The following SAMD3 variants were observed in gnomAD, a reference collection of about 807,000 sequenced individuals.
The protein encoded by SAMD3 is sterile alpha motif domain-containing protein 3.
SAMD3 carries 63 observed loss-of-function variants against 58.5 expected under a neutral mutation model. The observed-to-expected ratio is 1.08, with a 90% CI of 0.88 to 1.33. The LOEUF (loss-of-function observed/expected upper bound fraction) is 1.33. Among genes scored for constraint, SAMD3 ranks in the 40% most tolerant of loss-of-function variants. The pLI is 0.00. For missense variants in SAMD3, 604 were observed against 608.4 expected, an observed-to-expected ratio of 0.99 and a Z score of 0.08; for synonymous variants, 220 against 210.3, an observed-to-expected ratio of 1.05 and a Z score of -0.40.
intron 5 of SAMD3, among the ~76,000 whole-genome samples, chr6:130,201,047 A>T (rs1794610128): frequency 6.6e-6 from 1 of 152,146 alleles, no homozygotes; most frequent in Admixed American, 6.5e-5. Context: ...CTCCTCAGTA[A>T]CAGGCCCACC....
At chr6:130,323,802 C>CAAAAAA (rs766078214) in intron 1 of SAMD3, among the ~76,000 whole-genome samples, 8,009 of 53,208 alleles carry the variant, frequency 0.15, 1,119 homozygotes, top group East Asian at 0.26. Context: ...GACTCTGTCT[C>CAAAAAA]AAAAAAAAAA....
chr6:130,249,816 A>C (rs1387027277), intron 2 of SAMD3, among the ~76,000 whole-genome samples: 1 of 152,192 alleles, frequency 6.6e-6, no homozygotes, highest in Non-Finnish European at 1.5e-5. Flanking sequence ...ATTTCTGAGT[A>C]GAACGTGACA....
intron 1 of SAMD3, among the ~76,000 whole-genome samples, chr6:130,318,103 A>T (rs1776446789): frequency 1.3e-5 from 2 of 152,220 alleles, no homozygotes; most frequent in South Asian, 4.1e-4. Context: ...CTAAAGGATT[A>T]GAGGCGAAAT....
chr6:130,206,111 T>G (rs913247443), intron 5 of SAMD3, among the ~76,000 whole-genome samples: 90 of 152,242 alleles, frequency 5.9e-4, no homozygotes, highest in Admixed American at 2.7e-3. Context: ...AGGGAAAATA[T>G]TAAAAATAGA....
intron 2 of SAMD3, among the ~76,000 whole-genome samples, chr6:130,271,185 A>G (rs562452704): frequency 2.6e-4 from 39 of 151,934 alleles, no homozygotes; most frequent in Non-Finnish European, 3.2e-4. Flanking sequence ...TTTTTTGTAG[A>G]GACAGGGTTT....
At chr6:130,263,523 C>T (rs1425108167) in intron 2 of SAMD3, among the ~76,000 whole-genome samples, 2 of 152,124 alleles carry the variant, frequency 1.3e-5, no homozygotes, top group African/African-American at 4.8e-5. Context: ...GAAAGCGCCA[C>T]CCCCTCCAGA....
At chr6:130,330,100 G>T (rs771035326) in intron 1 of SAMD3, among the ~76,000 whole-genome samples, 15 of 152,098 alleles carry the variant, frequency 9.9e-5, no homozygotes, top group Non-Finnish European at 2.2e-4. Context: ...GAAAGAAAAT[G>T]GTTCTGTGAC....
chr6:130,168,520 A>G (rs1176008935), intron 8 of SAMD3, among the ~76,000 whole-genome samples: 1 of 152,168 alleles, frequency 6.6e-6, no homozygotes, highest in Non-Finnish European at 1.5e-5. Flanking sequence ...CCATCAGACC[A>G]CCAAAGGAAA....
intron 2 of SAMD3, among the ~76,000 whole-genome samples, chr6:130,276,870 T>C (rs1247237250): frequency 1.3e-5 from 2 of 151,864 alleles, no homozygotes; most frequent in East Asian, 3.9e-4. Context: ...TGGTTGGAGA[T>C]GAAAATAGGG....
chr6:130,256,632 A>T (rs1351796905), intron 2 of SAMD3, among the ~76,000 whole-genome samples: 1 of 152,168 alleles, frequency 6.6e-6, no homozygotes, highest in Non-Finnish European at 1.5e-5. Context: ...GTTTATGACT[A>T]CATGCTTTGT....
At chr6:130,273,080 T>C (rs1774625833) in intron 2 of SAMD3, among the ~76,000 whole-genome samples, 1 of 152,078 alleles carries the variant, frequency 6.6e-6, no homozygotes, top group Non-Finnish European at 1.5e-5. Context: ...TTTTTAATTT[T>C]ATTTCTCTGA....
At chr6:130,299,868 A>G (rs1775687841) in intron 2 of SAMD3, among the ~76,000 whole-genome samples, 2 of 152,170 alleles carry the variant, frequency 1.3e-5, no homozygotes, top group African/African-American at 4.8e-5. Flanking sequence ...TAGAAAACGA[A>G]TAATTTTCTG....
chr6:130,164,677 T>C (rs907783133), intron 8 of SAMD3, among the ~76,000 whole-genome samples: 1 of 152,080 alleles, frequency 6.6e-6, no homozygotes, highest in African/African-American at 2.4e-5. Context: ...CCTTGGGTCC[T>C]GCTCCTATCC....
Position 130,181,236 on chromosome 6 carries a change from C to T in SAMD3, c.654+2867G>A, listed in dbSNP as rs201082341. On this transcript the variant is annotated intron_variant, in intron 7 of 11. Coordinates refer to ENST00000439090, the MANE Select transcript of SAMD3 (RefSeq NM_001017373.4). Reference sequence around the variant, plus strand: ...TGCTGGGATTATAGGCATGAGCCACCGTACCCGGCCCCAAATTTTTCAAAA... The same window carrying T: ...TGCTGGGATTATAGGCATGAGCCACTGTACCCGGCCCCAAATTTTTCAAAA... 2.2e-4 allele frequency among the ~76,000 whole-genome samples: 33 copies of T among 152,154 alleles called. 1 individual carries two copies. The highest frequency in any genetic ancestry group is 1.5e-3 in the East Asian group (8 of 5,180).
chr6:130,259,010 A>C (rs531086436), intron 2 of SAMD3, among the ~76,000 whole-genome samples: 1 of 152,268 alleles, frequency 6.6e-6, no homozygotes, highest in South Asian at 2.1e-4. Flanking sequence ...GATATGAAGT[A>C]AGTTAGAAGA....
chr6:130,328,458 G>A (rs1282104229), intron 1 of SAMD3, among the ~76,000 whole-genome samples: 1 of 152,152 alleles, frequency 6.6e-6, no homozygotes, highest in Non-Finnish European at 1.5e-5. Context: ...CAATGCCCAG[G>A]CAATACTAAT....
intron 1 of SAMD3, among the ~76,000 whole-genome samples, chr6:130,322,414 C>T (rs981039637): frequency 1.1e-4 from 17 of 152,286 alleles, no homozygotes; most frequent in African/African-American, 3.6e-4. Context: ...TGAGATGACA[C>T]GAGACATCTC....
chr6:130,146,165 TG>T lies in SAMD3; in HGVS notation c.1039del (p.Gln347AsnfsTer24), dbSNP rs763801384. ...KCPYQMFREFQLLTRTDIYKK... is the reference protein window; with the variant it reads ...KCPYQMFREFXLLTRTDIYKK... ...ATAAATATCTGTTCTTGTAAGAAGT[TG>T]GAATTCTCTGAACATCTGACAAAAG... On this transcript the variant is annotated frameshift_variant, in exon 10 of 12. Coordinates refer to ENST00000439090, the MANE Select transcript of SAMD3 (RefSeq NM_001017373.4). LOFTEE classifies it high-confidence loss of function. 1.3e-6 allele frequency: 2 copies of T among 1,581,004 alleles called. No homozygotes were observed. The highest frequency in any genetic ancestry group is 2.4e-5 in the South Asian group (2 of 84,442).
intron 1 of SAMD3, among the ~76,000 whole-genome samples, chr6:130,352,360 T>G (rs1377556871): frequency 2.0e-5 from 3 of 152,176 alleles, no homozygotes; most frequent in Non-Finnish European, 4.4e-5. Flanking sequence ...TTTCTCATCA[T>G]ATATTAAAAC....
Sources: allele counts gnomAD v4.1 joint callset (sites outside exome capture counted in the v4.1 genomes callset), GRCh38; gene constraint gnomAD v4.1.1; transcripts MANE v1.5; gene names NCBI Gene and HGNC (gene_info 2026-07-23, HGNC 2026-07-21).